Variants in DEPTOR observed in about 807,000 individuals in gnomAD.
DEPTOR encodes the protein DEP domain containing MTOR interacting protein.
Under a neutral mutation model 41.6 loss-of-function variants are expected in DEPTOR, and 41 were observed. That is an observed-to-expected ratio of 0.98 (90% CI 0.77 to 1.28). DEPTOR has a LOEUF of 1.28. Ranked by LOEUF, DEPTOR falls within the 50% of genes most tolerant of loss-of-function variation. The pLI is 0.00. For missense variants in DEPTOR, 514 were observed against 527.9 expected, an observed-to-expected ratio of 0.97 and a Z score of 0.26; for synonymous variants, 195 against 192.3, an observed-to-expected ratio of 1.01 and a Z score of -0.12.
intron 8 of DEPTOR, among the ~76,000 whole-genome samples, chr8:120,016,118 TTAATAACTCTTTCAACAATGA>T (rs1373698745): frequency 1.3e-5 from 2 of 152,080 alleles, no homozygotes; most frequent in African/African-American, 4.8e-5. Flanking sequence ...AAATAACTTC[TTAATAACTCTTTCAACAATGA>T]TATAGTACAG....
At chr8:119,905,040 T>G (rs960619125) in intron 1 of DEPTOR, among the ~76,000 whole-genome samples, 5 of 142,594 alleles carry the variant, frequency 3.5e-5, no homozygotes, top group African/African-American at 1.3e-4. Flanking sequence ...ACTTTTGTCC[T>G]CAAGCAGTCC....
intron 3 of DEPTOR, among the ~76,000 whole-genome samples, chr8:119,939,400 T>C (rs1224863466): frequency 3.3e-5 from 5 of 152,212 alleles, no homozygotes; most frequent in African/African-American, 1.2e-4. Flanking sequence ...TATTTGGTTA[T>C]ACCAAGGGAC....
At chr8:119,969,479 C>T (rs527718080) in intron 4 of DEPTOR, among the ~76,000 whole-genome samples, 31 of 151,846 alleles carry the variant, frequency 2.0e-4, no homozygotes, top group African/African-American at 5.3e-4. Context: ...CTCAGCCTCC[C>T]GAGTAGCTGG....
At chr8:119,931,118 C>T (rs190489165) in intron 3 of DEPTOR, among the ~76,000 whole-genome samples, 23 of 151,908 alleles carry the variant, frequency 1.5e-4, no homozygotes, top group East Asian at 5.8e-4. Flanking sequence ...AGGCTGGGTA[C>T]GAGAATCGCT....
In DEPTOR at chr8:119,906,544, C is replaced by A. The variant is rs73706224; in HGVS notation, c.123-21856C>A. On this transcript the variant is annotated intron_variant, in intron 1 of 8. Transcript: ENST00000286234. ...GTGCACCAATGGTTGGTCTTAGGCC[C>A]CTCCTTTATAGACCACTCTTAAGAC... Among the ~76,000 whole-genome samples, 1,258 of 152,182 alleles carry A rather than the reference C, an allele frequency of 8.3e-3. 22 individuals carry two copies. Among genetic ancestry groups the A allele is most frequent in the African/African-American group, 0.029 (1,195 of 41,514 alleles).
intron 1 of DEPTOR, among the ~76,000 whole-genome samples, chr8:119,876,202 C>T (rs1438444309): frequency 6.6e-6 from 1 of 152,218 alleles, no homozygotes; most frequent in African/African-American, 2.4e-5. Flanking sequence ...CCTCTCTGCA[C>T]TGCAGCAGTT....
At chr8:120,008,923 A>T (rs1041518391) in intron 7 of DEPTOR, 106 bp from the exon 8 acceptor site, 188 of 980,400 alleles carry the variant, frequency 1.9e-4, no homozygotes, top group Non-Finnish European at 2.8e-4. Context: ...GGAGGAAAAT[A>T]TGTCACAGTG....
chr8:119,972,963 G>A (rs1828652682), intron 4 of DEPTOR, among the ~76,000 whole-genome samples: 1 of 151,656 alleles, frequency 6.6e-6, no homozygotes, highest in Non-Finnish European at 1.5e-5. Context: ...TTTTGAGACG[G>A]AGTTTCGCTC....
At chr8:119,942,586 T>A (rs1828217912) in intron 3 of DEPTOR, among the ~76,000 whole-genome samples, 1 of 152,222 alleles carries the variant, frequency 6.6e-6, no homozygotes, top group Admixed American at 6.6e-5. Context: ...CTGTGCTGGC[T>A]ACTTCCGCCA....
chr8:119,947,129 G>A (rs1344545205), intron 3 of DEPTOR, among the ~76,000 whole-genome samples: 1 of 152,152 alleles, frequency 6.6e-6, no homozygotes, highest in Non-Finnish European at 1.5e-5. Flanking sequence ...TTATGTACAA[G>A]AAGCAGCTCA....
At chr8:120,038,378 T>C (rs1813010305) in intron 8 of DEPTOR, among the ~76,000 whole-genome samples, 2 of 151,312 alleles carry the variant, frequency 1.3e-5, no homozygotes, top group East Asian at 3.9e-4. Flanking sequence ...GGCAGGTGGA[T>C]CGCCTGAGCT....
chr8:119,884,570 CTT>C (rs71304915), intron 1 of DEPTOR, among the ~76,000 whole-genome samples: 2,858 of 144,012 alleles, frequency 0.02, 88 homozygotes, highest in African/African-American at 0.066. Flanking sequence ...AAAGGATTGG[CTT>C]TTTTTTTTTT....
intron 1 of DEPTOR, among the ~76,000 whole-genome samples, chr8:119,879,750 G>A (rs957025785): frequency 2.0e-5 from 3 of 148,236 alleles, no homozygotes; most frequent in African/African-American, 7.5e-5. Flanking sequence ...GGGGACTCAT[G>A]CCTGTAACCA....
intron 3 of DEPTOR, among the ~76,000 whole-genome samples, chr8:119,936,152 T>G (rs1006566196): frequency 1.3e-5 from 2 of 152,162 alleles, no homozygotes; most frequent in Non-Finnish European, 2.9e-5. Context: ...AGATGTCTAT[T>G]GAATTCCTAC....
Position 120,007,044 on chromosome 8 carries a change from C to A in DEPTOR, c.996+169C>A, listed in dbSNP as rs530741973. 1.7e-3 allele frequency among the ~76,000 whole-genome samples: 262 copies of A among 152,296 alleles called. 1 individual carries two copies. Among genetic ancestry groups the A allele is most frequent in the African/African-American group, 6.0e-3 (249 of 41,552 alleles). ...TTCTTGACCTCAAGGCACTAAGGTG[C>A]ATTAGGACTTCACATGCGTTATTAT... On this transcript the variant is annotated intron_variant, in intron 7 of 8. Coordinates refer to ENST00000286234, the MANE Select transcript of DEPTOR (RefSeq NM_022783.4).
At position 119,956,162 on chromosome 8, in the gene DEPTOR, G is replaced by A. The variant is rs547039660; in HGVS notation, c.426-9070G>A. On this transcript the variant is annotated intron_variant, in intron 3 of 8. Coordinates refer to ENST00000286234, the MANE Select transcript of DEPTOR (RefSeq NM_022783.4). The stretch of plus-strand genomic sequence containing the variant: ...GGTTATTTTAAGCCACCAAGTTTGG[G>A]AGTAGCTTGTCATATGGCAAAAATA... Among the ~76,000 whole-genome samples the A allele has an allele frequency of 2.0e-5, 3 of 152,206 alleles. No individual in the cohort carries two copies. In the South Asian group the frequency reaches 6.2e-4, roughly 32 times the overall value.
chr8:119,968,158 A>T (rs1828586476), intron 4 of DEPTOR, among the ~76,000 whole-genome samples: 1 of 152,166 alleles, frequency 6.6e-6, no homozygotes, highest in East Asian at 1.9e-4. Context: ...ACAGTAGAAG[A>T]TGTGCTATCT....
intron 3 of DEPTOR, among the ~76,000 whole-genome samples, chr8:119,944,277 A>G (rs1387773615): frequency 6.6e-6 from 1 of 152,176 alleles, no homozygotes. Context: ...TCCACACTCT[A>G]TAAATGGAAA....
Position 119,873,906 on chromosome 8 carries a change from C to T in DEPTOR, c.60C>T (p.Gly20=). Residue 20 remains glycine (G), a synonymous_variant, in exon 1 of 9, where the codon GGC becomes GGT. Transcript: ENST00000286234. The part of the protein sequence containing the change: ...AGSDSSTSGS[G]GAQQRELERM... ...GTGACAGCAGCACCAGCGGGAGTGGCGGGGCGCAGCAAAGGGAGCTGGAGC... is the reference window on the plus strand; with the variant it reads ...GTGACAGCAGCACCAGCGGGAGTGGTGGGGCGCAGCAAAGGGAGCTGGAGC... The T allele has an allele frequency of 6.2e-7, 1 of 1,613,698 alleles. No homozygotes were observed. The highest frequency in any genetic ancestry group is 8.5e-7 in the Non-Finnish European group (1 of 1,179,832).
Sources: allele counts gnomAD v4.1 joint callset (sites outside exome capture counted in the v4.1 genomes callset), GRCh38; gene constraint gnomAD v4.1.1; transcripts MANE v1.5; gene names NCBI Gene and HGNC (gene_info 2026-07-23, HGNC 2026-07-21).